The following ATP8A2 variants were observed in gnomAD, a reference collection of about 807,000 sequenced individuals.
ATP8A2 encodes the protein phospholipid-transporting ATPase IB.
ATP8A2 carries 100 observed loss-of-function variants against 165.6 expected under a neutral mutation model. That is an observed-to-expected ratio of 0.60 (90% CI 0.51 to 0.71). The LOEUF (loss-of-function observed/expected upper bound fraction) is 0.71. ATP8A2 is among the 30% of genes least tolerant of loss of function. The probability of loss-of-function intolerance (pLI) is 0.00; values close to 1 mark genes in which losing one functional copy is unlikely to be tolerated. For synonymous variants in ATP8A2, 543 were observed against 548.8 expected (o/e 0.99, Z 0.15); for missense variants, 1,227 against 1,479.5 (o/e 0.83, Z 2.80).
intron 27 of ATP8A2, among the ~76,000 whole-genome samples, chr13:25,779,638 T>C (rs2044826614): frequency 6.6e-6 from 1 of 152,186 alleles, no homozygotes; most frequent in South Asian, 2.1e-4. Context: ...AAAATTTGTC[T>C]ATCAATATGT....
intron 33 of ATP8A2, among the ~76,000 whole-genome samples, chr13:25,917,470 T>C (rs1220671812): frequency 6.6e-6 from 1 of 152,106 alleles, no homozygotes; most frequent in Non-Finnish European, 1.5e-5. Context: ...CCTGAAGGGG[T>C]TTTTATAGTC....
At chr13:25,435,309 C>CG (rs1401612143) in intron 1 of ATP8A2, among the ~76,000 whole-genome samples, 1 of 151,824 alleles carries the variant, frequency 6.6e-6, no homozygotes, top group Non-Finnish European at 1.5e-5. Context: ...TTAGTAGAGA[C>CG]GGGGTTTCAC....
chr13:25,578,803 C>T lies in ATP8A2; in HGVS notation c.1783-12C>T, dbSNP rs1310056717. ...AAGGCTTTGCCAGTCACAATGTTTC[C>T]CTATTTTATAGGATAATGTGATTTT... On this transcript the variant is annotated splice_polypyrimidine_tract_variant and intron_variant, in intron 20 of 36. Transcript: ENST00000381655. The T allele has an allele frequency of 1.4e-6, 2 of 1,472,466 alleles. No homozygotes were observed. Among genetic ancestry groups the T allele is most frequent in the Admixed American group, 1.7e-5 (1 of 59,832 alleles). The allele number at this position is 1,472,466 out of a possible 1,614,324, so 91.2% of individuals were successfully genotyped here.
rs541589381 is a variant in ATP8A2, at chr13:25,856,973, A to G, written c.2957-3222A>G. Among the ~76,000 whole-genome samples, 5 of 152,308 alleles carry G rather than the reference A, an allele frequency of 3.3e-5. No individual in the cohort carries two copies. In the South Asian group the frequency reaches 1.0e-3, roughly 32 times the overall value. ...ATGGTTATCTATGGTCCATTCTCCC[A>G]TAAAAGCTGGACTATTCCTTTAAGA... On this transcript the variant is annotated intron_variant, in intron 30 of 36. Transcript: ENST00000381655.
intron 1 of ATP8A2, among the ~76,000 whole-genome samples, chr13:25,436,094 T>G (rs1357958887): frequency 6.6e-6 from 1 of 152,102 alleles, no homozygotes; most frequent in Non-Finnish European, 1.5e-5. Context: ...GTTAATAGAT[T>G]TTACTTTTTT....
intron 24 of ATP8A2, chr13:25,591,459 C>T: frequency 4.6e-6 from 2 of 431,022 alleles, no homozygotes; most frequent in Non-Finnish European, 9.4e-6. Flanking sequence ...CTTCAAGGTT[C>T]ATCCATATCG....
chr13:25,780,794 A>C (rs2044856826), intron 27 of ATP8A2, among the ~76,000 whole-genome samples: 1 of 151,912 alleles, frequency 6.6e-6, no homozygotes, highest in African/African-American at 2.4e-5. Context: ...GTGAGAATCT[A>C]ATGCTGCCAC....
chr13:25,641,967 C>A (rs1420994575), intron 24 of ATP8A2, among the ~76,000 whole-genome samples: 1 of 152,214 alleles, frequency 6.6e-6, no homozygotes, highest in Non-Finnish European at 1.5e-5. Flanking sequence ...ACCATCTGAT[C>A]TTTGACAAAC....
chr13:25,711,430 C>T (rs2043156416), intron 25 of ATP8A2, among the ~76,000 whole-genome samples: 1 of 152,080 alleles, frequency 6.6e-6, no homozygotes, highest in African/African-American at 2.4e-5. Flanking sequence ...AGATCACAGG[C>T]TGGGCATGGT....
intron 30 of ATP8A2, among the ~76,000 whole-genome samples, chr13:25,845,426 T>G (rs2138684531): frequency 6.6e-6 from 1 of 152,310 alleles, no homozygotes; most frequent in Middle Eastern, 3.4e-3. Context: ...GAGACTATGC[T>G]TAACAAAAGA....
chr13:25,478,076 A>G (rs1186487547), intron 2 of ATP8A2, among the ~76,000 whole-genome samples: 2 of 152,218 alleles, frequency 1.3e-5, no homozygotes, highest in Non-Finnish European at 2.9e-5. Context: ...AATTGGAAAC[A>G]TACATGATTT....
chr13:25,495,237 G>A (rs2036639287), intron 2 of ATP8A2, among the ~76,000 whole-genome samples: 1 of 152,194 alleles, frequency 6.6e-6, no homozygotes, highest in Non-Finnish European at 1.5e-5. Flanking sequence ...AAAGGCCAGA[G>A]TGTGCCATTG....
intron 25 of ATP8A2, among the ~76,000 whole-genome samples, chr13:25,725,695 T>C (rs1032017071): frequency 3.3e-5 from 5 of 152,344 alleles, no homozygotes; most frequent in African/African-American, 9.6e-5. Flanking sequence ...GCCTTAGCTG[T>C]GGACATTCTG....
At chr13:25,534,219 G>A (rs754606942) in intron 6 of ATP8A2, 1 of 532,720 alleles carries the variant, frequency 1.9e-6, no homozygotes, top group South Asian at 1.4e-5. Context: ...CTCCTTTATA[G>A]TGTTTTACAG....
chr13:25,764,834 C>T (rs2044457557), intron 25 of ATP8A2, among the ~76,000 whole-genome samples: 1 of 152,182 alleles, frequency 6.6e-6, no homozygotes. Flanking sequence ...CTTGTAACCC[C>T]TCTGGCTCAA....
intron 1 of ATP8A2, among the ~76,000 whole-genome samples, chr13:25,433,609 G>A (rs1219834863): frequency 6.6e-6 from 1 of 152,204 alleles, no homozygotes; most frequent in Non-Finnish European, 1.5e-5. Context: ...TGTATACACG[G>A]AAGTGAGTGC....
At chr13:25,392,154 T>C (rs2033271992) in intron 1 of ATP8A2, among the ~76,000 whole-genome samples, 1 of 152,220 alleles carries the variant, frequency 6.6e-6, no homozygotes, top group Admixed American at 6.5e-5. Flanking sequence ...AAGTGCCTGA[T>C]ACACTAGTCA....
At chr13:25,739,848 G>A (rs9511907) in intron 25 of ATP8A2, among the ~76,000 whole-genome samples, 46,720 of 152,032 alleles carry the variant, frequency 0.31, 7,811 homozygotes, top group East Asian at 0.47. Context: ...AGCTTGGAAA[G>A]TGCACACTAA....
intron 35 of ATP8A2, among the ~76,000 whole-genome samples, chr13:25,992,829 C>A (rs377470834): frequency 6.6e-6 from 1 of 150,970 alleles, no homozygotes; most frequent in African/African-American, 2.4e-5. Context: ...CCAATGCTAT[C>A]CCTCCCCCCT....
Sources: gnomAD v4.1 joint callset for allele counts (sites outside exome capture counted in the v4.1 genomes callset) on GRCh38, gnomAD v4.1.1 for gene constraint, MANE v1.5 for transcripts, NCBI Gene and HGNC (gene_info 2026-07-23, HGNC 2026-07-21) for gene names.